The following CEPT1 variants were observed in gnomAD, a reference collection of about 807,000 sequenced individuals.
The protein encoded by CEPT1 is choline/ethanolamine phosphotransferase 1.
Under a neutral mutation model 42.6 loss-of-function variants are expected in CEPT1, and 7 were observed. The observed-to-expected ratio is 0.16, with a 90% CI of 0.09 to 0.31. The LOEUF (loss-of-function observed/expected upper bound fraction) is 0.31. CEPT1 is among the 10% of genes least tolerant of loss of function. The pLI is 1.00. For missense variants in CEPT1, 306 were observed against 502.1 expected, an observed-to-expected ratio of 0.61 and a Z score of 3.73; for synonymous variants, 171 against 171.9, an observed-to-expected ratio of 0.99 and a Z score of 0.04.
intron 4 of CEPT1, among the ~76,000 whole-genome samples, chr1:111,171,632 A>G (rs1656416969): frequency 6.6e-6 from 1 of 152,248 alleles, no homozygotes; most frequent in South Asian, 2.1e-4. Context: ...TAGTAATTTA[A>G]GTGTATCCTG....
chr1:111,172,374 T>A (rs921505430), intron 4 of CEPT1, among the ~76,000 whole-genome samples: 4 of 152,180 alleles, frequency 2.6e-5, no homozygotes, highest in African/African-American at 4.8e-5. Flanking sequence ...TCTCCATTTT[T>A]AAAATAATAA....
At chr1:111,151,986 A>C (rs1273908840) in intron 2 of CEPT1, among the ~76,000 whole-genome samples, 1 of 152,180 alleles carries the variant, frequency 6.6e-6, no homozygotes, top group Admixed American at 6.5e-5. Flanking sequence ...CAGACCCCTT[A>C]GATACGAATT....
At chr1:111,164,746 G>A (rs887384433) in intron 4 of CEPT1, among the ~76,000 whole-genome samples, 6 of 151,352 alleles carry the variant, frequency 4.0e-5, no homozygotes, top group African/African-American at 9.7e-5. Flanking sequence ...TCAGCCTCCC[G>A]AGTAGCTAGG....
At chr1:111,147,549 A>AT (rs1655037628) in intron 1 of CEPT1, 93 bp from the exon 2 acceptor site, 1 of 517,900 alleles carries the variant, frequency 1.9e-6, no homozygotes, top group Non-Finnish European at 3.3e-6. Context: ...TGACAATTTG[A>AT]TTTTTTGTTT....
rs1197538872 is a variant in CEPT1, at chr1:111,159,690, T to A, written c.487+163T>A. ...CTAGTTAATATTTGTTCATTATTGG[T>A]AGTGTTAGGAAATTTAGAAATTACT... On this transcript the variant is annotated intron_variant, in intron 3 of 8. Coordinates refer to ENST00000357172, the MANE Select transcript of CEPT1 (RefSeq NM_006090.5). 4 of 503,672 alleles carry A rather than the reference T, an allele frequency of 7.9e-6. No individual in the cohort carries two copies. The East Asian group carries it at 1.5e-4, about 19-fold the overall frequency. The allele number at this position is 503,672 out of a possible 1,614,324, so 31.2% of individuals were successfully genotyped here. A position where few individuals can be genotyped will look rare whatever the true frequency, so the allele number is the denominator to read the frequency against.
rs775722606 is a variant in CEPT1 at position 111,149,266 on chromosome 1, C to CTTTTTTTTTTTTTTTTTT, written c.339+1227_339+1228insTTTTTTTTTTTTTTTTTT. Among the ~76,000 whole-genome samples the CTTTTTTTTTTTTTTTTTT allele has an allele frequency of 2.9e-3, 376 of 127,716 alleles. 14 individuals are homozygous for CTTTTTTTTTTTTTTTTTT. The highest frequency in any genetic ancestry group is 3.8e-3 in the Non-Finnish European group (234 of 62,278). 83.8% of individuals were successfully genotyped at this position (127,716 alleles called of 152,430 possible). On this transcript the variant is annotated intron_variant, in intron 2 of 8. Transcript: ENST00000357172. Reference sequence around the variant, plus strand: ...ATAGATGTAAAATCTGGTTTCTCCTCTTTTTTTTTTTTTTGAGACAGGGTC... The same window carrying CTTTTTTTTTTTTTTTTTT: ...ATAGATGTAAAATCTGGTTTCTCCTCTTTTTTTTTTTTTTTTTTTTTTTTTTTTTTTTGAGACAGGGTC...
At chr1:111,155,488 C>T (rs2101281107) in intron 2 of CEPT1, among the ~76,000 whole-genome samples, 1 of 151,212 alleles carries the variant, frequency 6.6e-6, no homozygotes, top group African/African-American at 2.4e-5. Flanking sequence ...ATGACACATG[C>T]CATGTGTGTC....
At chr1:111,169,042 T>G (rs1443865331) in intron 4 of CEPT1, among the ~76,000 whole-genome samples, 1 of 152,170 alleles carries the variant, frequency 6.6e-6, no homozygotes, top group Non-Finnish European at 1.5e-5. Context: ...CCTCACACAA[T>G]GTAAATGCCA....
chr1:111,157,564 G>A (rs1254292767), intron 2 of CEPT1, among the ~76,000 whole-genome samples: 1 of 152,190 alleles, frequency 6.6e-6, no homozygotes, highest in African/African-American at 2.4e-5. Flanking sequence ...GATTCCTTTA[G>A]GAGCAAGAAG....
At chr1:111,177,593 A>C (rs1026964677) in intron 5 of CEPT1, among the ~76,000 whole-genome samples, 1 of 152,252 alleles carries the variant, frequency 6.6e-6, no homozygotes, top group Non-Finnish European at 1.5e-5. Flanking sequence ...AAATTCCTTC[A>C]GGTATACTTT....
intron 1 of CEPT1, chr1:111,143,451 C>T (rs1255665429): frequency 1.3e-5 from 2 of 152,136 alleles, no homozygotes; most frequent in African/African-American, 2.4e-5. Flanking sequence ...TGCTTGTTTA[C>T]TAGTTTTTAT....
In CEPT1 at chr1:111,184,887, TTCTC is replaced by T. The variant is rs1657189959; in HGVS notation, c.*580_*583del. 1 of 149,962 alleles carries T rather than the reference TTCTC, an allele frequency of 6.7e-6. No individual in the cohort carries two copies. Among genetic ancestry groups the T allele is most frequent in the African/African-American group, 2.5e-5 (1 of 40,582 alleles). The allele number at this position is 149,962 out of a possible 1,614,324, so 9.3% of individuals were successfully genotyped here. A position where few individuals can be genotyped will look rare whatever the true frequency, so the allele number is the denominator to read the frequency against. On this transcript the variant is annotated 3_prime_UTR_variant, in exon 9 of 9. Coordinates refer to ENST00000357172, the MANE Select transcript of CEPT1 (RefSeq NM_006090.5). ...TTTTTTTTAATTGCTCAAGAAATGA[TTCTC>T]TCACAGGCTTGGGAAATCCTGTTAG...
At chr1:111,161,955 C>T (rs539277456) in intron 4 of CEPT1, among the ~76,000 whole-genome samples, 1 of 152,304 alleles carries the variant, frequency 6.6e-6, no homozygotes, top group Admixed American at 6.5e-5. Flanking sequence ...GATATCACAG[C>T]TTTCTGTCTT....
intron 2 of CEPT1, among the ~76,000 whole-genome samples, chr1:111,152,550 T>A (rs1253138541): frequency 6.6e-6 from 1 of 152,192 alleles, no homozygotes; most frequent in Non-Finnish European, 1.5e-5. Flanking sequence ...TTAGAAATTG[T>A]TTAAAGTATG....
intron 1 of CEPT1, among the ~76,000 whole-genome samples, chr1:111,141,297 A>G (rs1020051913): frequency 1.3e-5 from 2 of 152,216 alleles, no homozygotes; most frequent in African/African-American, 4.8e-5. Flanking sequence ...CATTCACATA[A>G]AATTCGAGAT....
intron 8 of CEPT1, among the ~76,000 whole-genome samples, 177 bp from the exon 9 acceptor site, chr1:111,184,014 T>G (rs1657125680): frequency 6.6e-6 from 1 of 152,190 alleles, no homozygotes; most frequent in Non-Finnish European, 1.5e-5. Flanking sequence ...GCTTAAAATA[T>G]TTGCCATCTG....
chr1:111,184,108 G>A, intron 8 of CEPT1, 83 bp from the exon 9 acceptor site: 1 of 1,370,446 alleles, frequency 7.3e-7, no homozygotes. Flanking sequence ...AATCTGTAGA[G>A]AGAACAGAGT....
intron 1 of CEPT1, among the ~76,000 whole-genome samples, chr1:111,142,921 T>A (rs976748961): frequency 6.6e-6 from 1 of 152,206 alleles, no homozygotes; most frequent in African/African-American, 2.4e-5. Flanking sequence ...ACAATAGCTA[T>A]AGGACTGTGA....
At chr1:111,181,673 A>T (rs1656994501) in intron 5 of CEPT1, 1 of 152,188 alleles carries the variant, frequency 6.6e-6, no homozygotes, top group South Asian at 2.1e-4. Flanking sequence ...TGGAGTTGGG[A>T]ACTCTTCTGA....
Sources: allele counts gnomAD v4.1 joint callset (sites outside exome capture counted in the v4.1 genomes callset), GRCh38; gene constraint gnomAD v4.1.1; transcripts MANE v1.5; gene names NCBI Gene and HGNC (gene_info 2026-07-23, HGNC 2026-07-21).